Variants in CHTF18 observed in about 807,000 individuals in gnomAD.
CHTF18 encodes chromosome transmission fidelity factor 18.
CHTF18 carries 151 observed loss-of-function variants against 113.4 expected under a neutral mutation model. That is an observed-to-expected ratio of 1.33 (90% CI 1.17 to 1.52). CHTF18 has a LOEUF of 1.52. Among genes scored for constraint, CHTF18 ranks in the 40% most tolerant of loss-of-function variants. CHTF18 has a pLI of 0.00. For synonymous variants in CHTF18, 916 were observed against 598.8 expected, an observed-to-expected ratio of 1.53 and a Z score of -7.74; for missense variants, 1,982 against 1,381.6, an observed-to-expected ratio of 1.43 and a Z score of -6.89.
At chr16:789,828 A>G (rs2151640781) in intron 4 of CHTF18, 113 bp downstream of exon 4, 2 of 1,342,144 alleles carry the variant, frequency 1.5e-6, no homozygotes, top group Non-Finnish European at 2.0e-6. Context: ...GCAGAGCCCC[A>G]GGGGTGCAGA....
intron 8 of CHTF18, 129 bp downstream of exon 8, chr16:791,499 C>A: frequency 6.9e-7 from 1 of 1,444,388 alleles, no homozygotes. Context: ...GCGTGAAGCG[C>A]CATTAGCGTG....
chr16:792,257 C>G lies in CHTF18; in HGVS notation c.1236C>G (p.Arg412=), dbSNP rs1459847894. The part of the protein sequence containing the change: ...DDRSPEVFRT[R]IEAATQMESV... ...GTAGCCCGGAGGTCTTCCGCACACG[C>G]ATCGAGGCGGCCACCCAGATGGAGT... Residue 412 remains arginine, a synonymous_variant, in exon 10 of 22, where the codon CGC becomes CGG. Transcript: ENST00000262315. 6.4e-7 allele frequency: 1 copy of G among 1,565,466 alleles called. No homozygotes were observed. The highest frequency in any genetic ancestry group is 8.6e-7 in the Non-Finnish European group (1 of 1,156,142).
chr16:789,470 A>G, intron 3 of CHTF18, 77 bp from the exon 4 acceptor site: 1 of 1,538,910 alleles, frequency 6.5e-7, no homozygotes, highest in Non-Finnish European at 8.8e-7. Flanking sequence ...TCCATGGCTG[A>G]GAGCAGTCTC....
rs1186787870 is a variant in CHTF18 at position 796,945 on chromosome 16, T to C, written c.2602-16T>C. ...ATCCCTGTGTGGCCAGATCTCACAATGCCTGCTCCCTACAGGTGGATGGGA... is the reference window on the plus strand; with the variant it reads ...ATCCCTGTGTGGCCAGATCTCACAACGCCTGCTCCCTACAGGTGGATGGGA... On this transcript the variant is annotated splice_polypyrimidine_tract_variant and intron_variant, in intron 19 of 21. Coordinates refer to ENST00000262315, the MANE Select transcript of CHTF18 (RefSeq NM_022092.3). 6.5e-7 allele frequency: 1 copy of C among 1,529,286 alleles called. No homozygotes were observed. The highest frequency in any genetic ancestry group is 1.4e-5 in the African/African-American group (1 of 72,352). 94.7% of individuals were successfully genotyped at this position (1,529,286 alleles called of 1,614,324 possible). A position where few individuals can be genotyped will look rare whatever the true frequency, so the allele number is the denominator to read the frequency against.
chr16:789,974 T>C (rs1387257113), intron 4 of CHTF18: 6 of 1,534,800 alleles, frequency 3.9e-6, no homozygotes, highest in Non-Finnish European at 5.2e-6. Context: ...TTTCCTCCTT[T>C]CTCCTAAAGC....
rs566692931 is a variant in CHTF18 at position 793,972 on chromosome 16, G to C, written c.1803-82G>C. 55 of 1,482,406 alleles carry C rather than the reference G, an allele frequency of 3.7e-5. No homozygotes were observed. In the African/African-American group the frequency reaches 7.2e-4, roughly 19 times the overall value. 91.8% of individuals were successfully genotyped at this position (1,482,406 alleles called of 1,614,324 possible). A position where few individuals can be genotyped will look rare whatever the true frequency, so the allele number is the denominator to read the frequency against. On this transcript the variant is annotated intron_variant, in intron 14 of 21. Transcript: ENST00000262315. Reference sequence around the variant, plus strand: ...TGAAGTGGGTGGCAGCTCTGATGGGGCCTCTGAGTGTCCCGGGGAGACGGG... The same window carrying C: ...TGAAGTGGGTGGCAGCTCTGATGGGCCCTCTGAGTGTCCCGGGGAGACGGG...
intron 15 of CHTF18, chr16:794,622 G>T: frequency 8.4e-6 from 2 of 238,014 alleles, no homozygotes; most frequent in Non-Finnish European, 1.6e-5. Context: ...GCTGTCTGCT[G>T]ACTCTAAGCG....
chr16:789,788 C>T (rs560295341), intron 4 of CHTF18, 73 bp downstream of exon 4: 85 of 1,459,766 alleles, frequency 5.8e-5, no homozygotes, highest in Admixed American at 6.9e-5. Context: ...GAGCCCCTCA[C>T]CCCTGCCATT....
At chr16:791,673 T>G in intron 8 of CHTF18, 178 bp from the exon 9 acceptor site, 2 of 1,427,742 alleles carry the variant, frequency 1.4e-6, no homozygotes, top group Non-Finnish European at 9.1e-7. Flanking sequence ...TTGTGTAGGT[T>G]TTTTTTTCCG....
rs763586942 is a variant in CHTF18 at position 797,073 on chromosome 16, G to A, written c.2714G>A (p.Arg905Gln). ...HEQRLEHIMRRAAREEQPEKD... is the reference protein window; with the variant it reads ...HEQRLEHIMRQAAREEQPEKD... ...CAGCGGCTGGAGCACATCATGAGGC[G>A]AGCGGCCCGGGAGGAACAGGTGTGG... The change falls in exon 20 of 22, where the codon CGA (arginine) becomes CAA (glutamine). Residue 905 changes from arginine (R) to glutamine (Q), a missense_variant. Coordinates refer to ENST00000262315, the MANE Select transcript of CHTF18 (RefSeq NM_022092.3). 7.2e-6 allele frequency: 11 copies of A among 1,537,862 alleles called. No individual in the cohort carries two copies. The highest frequency in any genetic ancestry group is 1.4e-5 in the African/African-American group (1 of 72,454).
chr16:795,449 CCAAA>C (rs1262197617), intron 16 of CHTF18, 93 bp downstream of exon 16: 1 of 505,362 alleles, frequency 2.0e-6, no homozygotes, highest in Non-Finnish European at 3.2e-6. Flanking sequence ...GCCCGCCCCC[CCAAA>C]CACACTGCCC....
In CHTF18 at chr16:796,720, C is replaced by G. The variant is rs115612427; in HGVS notation, c.2460C>G (p.Asn820Lys). 4 of 1,599,064 alleles carry G rather than the reference C, an allele frequency of 2.5e-6. No homozygotes were observed. Among genetic ancestry groups the G allele is most frequent in the African/African-American group, 1.3e-5 (1 of 74,984 alleles). ...GGTGTCCCCCTGTGCTGAGCAGGAA[C>G]GTGGAGGAACTCTGCCGCTTCCCTG... ...DGQYIYRLEP[N>K]VEELCRFPEL... Residue 820 changes from asparagine to lysine, a missense_variant, in exon 19 of 22, where the codon AAC (asparagine) becomes AAG (lysine). Physicochemically the swap from Asn to Lys is moderately conservative, Grantham distance 94. Coordinates refer to ENST00000262315, the MANE Select transcript of CHTF18 (RefSeq NM_022092.3).
In CHTF18 at chr16:791,868, G is replaced by GC. The variant is rs757003182; in HGVS notation, c.1127dup (p.Leu378AlafsTer25). ...GGCTGCAGGTGGCACTGCTCTGTGG[G>GC]CCCCCGGGGCTGGGGAAGACCACCC... On this transcript the variant is annotated frameshift_variant, in exon 9 of 22. Coordinates refer to ENST00000262315, the MANE Select transcript of CHTF18 (RefSeq NM_022092.3). LOFTEE classifies it high-confidence loss of function. 2.5e-6 allele frequency: 4 copies of GC among 1,606,846 alleles called. No individual in the cohort carries two copies. The highest frequency in any genetic ancestry group is 2.2e-5 in the South Asian group (2 of 89,514).
rs561707547 is a variant in CHTF18, at chr16:790,861, A to C, written c.894+195A>C. The C allele has an allele frequency of 9.8e-6, 14 of 1,430,772 alleles. No individual in the cohort carries two copies. The African/African-American group carries it at 2.0e-4, about 21-fold the overall frequency. 88.6% of individuals were successfully genotyped at this position (1,430,772 alleles called of 1,614,324 possible). Reference sequence around the variant, plus strand: ...ACTGGTCCCCTGTGACCTGTGAGGCAGGCTAGGGGTCCAGGGTGTCACCTG... The same window carrying C: ...ACTGGTCCCCTGTGACCTGTGAGGCCGGCTAGGGGTCCAGGGTGTCACCTG... On this transcript the variant is annotated intron_variant, in intron 7 of 21. Coordinates refer to ENST00000262315, the MANE Select transcript of CHTF18 (RefSeq NM_022092.3).
At chr16:796,924 C>G in intron 19 of CHTF18, 37 bp from the exon 20 acceptor site, 2 of 1,535,704 alleles carry the variant, frequency 1.3e-6, no homozygotes, top group Non-Finnish European at 8.8e-7. Flanking sequence ...CACTGTATCC[C>G]TGTGTGGCCA....
chr16:796,859 C>T lies in CHTF18; in HGVS notation c.2599C>T (p.Gln867Ter), dbSNP rs544646994. 1.3e-6 allele frequency: 2 copies of T among 1,593,770 alleles called. No individual in the cohort carries two copies. The highest frequency in any genetic ancestry group is 1.7e-6 in the Non-Finnish European group (2 of 1,169,430). The change falls in exon 19 of 22, where the codon CAG becomes TAG. Residue 867 changes from glutamine (Q) to a stop codon, truncating the protein, a stop_gained and splice_region_variant. Coordinates refer to ENST00000262315, the MANE Select transcript of CHTF18 (RefSeq NM_022092.3). LOFTEE classifies it high-confidence loss of function. The part of the protein sequence containing the change: ...EASARVENSP[Q>*]VDGSPPGLEG... ...TTCTGCCCGGGTAGAGAACAGCCCC[C>T]AGGTGAGCCCACCCAGGCTCTGGAG... is the stretch of plus-strand genomic sequence containing the variant.
At position 795,369 on chromosome 16, in the gene CHTF18, C is replaced by T; in HGVS notation, c.2175+13C>T. 6.5e-7 allele frequency: 1 copy of T among 1,534,034 alleles called. No individual in the cohort carries two copies. The highest frequency in any genetic ancestry group is 8.8e-7 in the Non-Finnish European group (1 of 1,138,118). ...CAGCCAGCAGGAGGTGTGCTCGTCCCTGCACCACGCCTGCCCCCGGCCCCG... is the reference window on the plus strand; with the variant it reads ...CAGCCAGCAGGAGGTGTGCTCGTCCTTGCACCACGCCTGCCCCCGGCCCCG... On this transcript the variant is annotated intron_variant, in intron 16 of 21. Transcript: ENST00000262315.
At position 788,675 on chromosome 16, in the gene CHTF18, C is replaced by T; in HGVS notation, c.-10C>T. 6.5e-7 allele frequency: 1 copy of T among 1,532,242 alleles called. No homozygotes were observed. The highest frequency in any genetic ancestry group is 1.2e-5 in the South Asian group (1 of 82,364). The allele number at this position is 1,532,242 out of a possible 1,614,324, so 94.9% of individuals were successfully genotyped here. ...GAGGTTCGGAGCGGGAGCTCGGGCT[C>T]GCGGACGGTATGGAGGACTACGAGC... On this transcript the variant is annotated 5_prime_UTR_variant, in exon 1 of 22. Coordinates refer to ENST00000262315, the MANE Select transcript of CHTF18 (RefSeq NM_022092.3).
chr16:790,189 C>T lies in CHTF18; in HGVS notation c.619C>T (p.His207Tyr), dbSNP rs1188429592. The change falls in exon 5 of 22, where the codon CAC (histidine) becomes TAC (tyrosine). Residue 207 changes from histidine to tyrosine, a missense_variant. His to Tyr is a moderately conservative substitution (Grantham distance 83). Transcript: ENST00000262315. ...MAPGVQGSLLHVPWRGGGQLD... is the reference protein window; with the variant it reads ...MAPGVQGSLLYVPWRGGGQLD... ...CCCTTCCCCACAGGGCTCTCTCCTC[C>T]ACGTCCCATGGCGAGGCGGTGGCCA... 6.2e-7 allele frequency: 1 copy of T among 1,600,294 alleles called. No homozygotes were observed. The highest frequency in any genetic ancestry group is 8.5e-7 in the Non-Finnish European group (1 of 1,174,370).
Sources: allele counts gnomAD v4.1 joint callset, GRCh38; gene constraint gnomAD v4.1.1; transcripts MANE v1.5; gene names NCBI Gene and HGNC (gene_info 2026-07-23, HGNC 2026-07-21).